The following COP1 variants were observed in gnomAD, a reference collection of about 807,000 sequenced individuals.
The protein encoded by COP1 is E3 ubiquitin-protein ligase COP1.
COP1 carries 24 observed loss-of-function variants against 101.3 expected under a neutral mutation model. The observed-to-expected ratio is 0.24, with a 90% CI of 0.17 to 0.33. COP1 has a LOEUF of 0.33. Among genes scored for constraint, COP1 ranks in the 10% least tolerant of loss-of-function variants. COP1 has a pLI of 1.00. For missense variants in COP1, 663 were observed against 906.2 expected, an observed-to-expected ratio of 0.73 and a Z score of 3.45; for synonymous variants, 347 against 341.9, an observed-to-expected ratio of 1.01 and a Z score of -0.17.
chr1:176,018,268 G>C (rs986698727), intron 15 of COP1, among the ~76,000 whole-genome samples: 4 of 152,128 alleles, frequency 2.6e-5, no homozygotes, highest in African/African-American at 4.8e-5. Flanking sequence ...CTGCACATTA[G>C]ATTAAACCAC....
At chr1:175,948,543 T>C (rs1349281146) in intron 18 of COP1, among the ~76,000 whole-genome samples, 1 of 152,240 alleles carries the variant, frequency 6.6e-6, no homozygotes, top group Non-Finnish European at 1.5e-5. Flanking sequence ...GAAAAGTTAC[T>C]TCAGCTAAGC....
intron 11 of COP1, among the ~76,000 whole-genome samples, chr1:176,076,110 C>T (rs1677952324): frequency 6.6e-6 from 1 of 151,780 alleles, no homozygotes; most frequent in South Asian, 2.1e-4. Context: ...AAACTCTACA[C>T]TTGACCAACT....
In COP1 at chr1:176,005,741, T is replaced by G. The variant is rs1262529407; in HGVS notation, c.1730-16262A>C. Among the ~76,000 whole-genome samples the G allele has an allele frequency of 4.8e-5, 3 of 62,494 alleles. No individual in the cohort carries two copies. In the Admixed American group the frequency reaches 5.2e-4, roughly 11 times the overall value. The allele number at this position is 62,494 out of a possible 152,430, so 41.0% of individuals were successfully genotyped here. On this transcript the variant is annotated intron_variant, in intron 15 of 19. Transcript: ENST00000367669. ...ATAGTTTGTTATAATCTCTGTTCTTTTACATTTGCTGAGAGCTTTACTTCC... is the reference window on the plus strand; with the variant it reads ...ATAGTTTGTTATAATCTCTGTTCTTGTACATTTGCTGAGAGCTTTACTTCC...
rs765709214 is a variant in COP1, at chr1:176,043,181, A to G, written c.1612+5T>C. 5.7e-6 allele frequency: 9 copies of G among 1,590,068 alleles called. No homozygotes were observed. Among genetic ancestry groups the G allele is most frequent in the South Asian group, 2.2e-5 (2 of 90,526 alleles). ...GAGGTGCTGAGAAAGAGATTCAAAC[A>G]GTACCTTTTGCATCATCAGAACCTG... is the stretch of plus-strand genomic sequence containing the variant. On this transcript the variant is annotated splice_donor_5th_base_variant and intron_variant, in intron 14 of 19. Transcript: ENST00000367669.
chr1:176,158,774 G>C (rs1461953874), intron 5 of COP1, among the ~76,000 whole-genome samples: 1 of 151,278 alleles, frequency 6.6e-6, no homozygotes, highest in Non-Finnish European at 1.5e-5. Flanking sequence ...CAAGTAGCTG[G>C]GACTATAGGC....
intron 9 of COP1, among the ~76,000 whole-genome samples, chr1:176,089,414 C>G (rs979920051): frequency 6.6e-6 from 1 of 152,028 alleles, no homozygotes; most frequent in Admixed American, 6.6e-5. Context: ...AACAAAATAA[C>G]AAAATCAGAT....
intron 8 of COP1, among the ~76,000 whole-genome samples, chr1:176,132,532 T>C (rs1012518756): frequency 3.3e-5 from 5 of 150,098 alleles, no homozygotes; most frequent in African/African-American, 7.3e-5. Context: ...CACACACACA[T>C]ATATGAATAT....
intron 3 of COP1, among the ~76,000 whole-genome samples, chr1:176,167,807 T>G (rs1464354640): frequency 1.3e-5 from 2 of 152,182 alleles, no homozygotes; most frequent in Non-Finnish European, 2.9e-5. Flanking sequence ...CACAAGTTAC[T>G]CAACCTGTCT....
intron 18 of COP1, among the ~76,000 whole-genome samples, chr1:175,982,893 A>G (rs745919315): frequency 9.2e-5 from 14 of 152,188 alleles, no homozygotes; most frequent in Non-Finnish European, 1.6e-4. Context: ...GGAGGATGCC[A>G]AGATGTTGGT....
At chr1:176,191,911 C>G (rs879637029) in intron 1 of COP1, among the ~76,000 whole-genome samples, 1 of 152,022 alleles carries the variant, frequency 6.6e-6, no homozygotes, top group South Asian at 2.1e-4. Flanking sequence ...AATAGCATAG[C>G]GGCAATCATT....
At chr1:176,134,376 T>C (rs961215011) in intron 8 of COP1, among the ~76,000 whole-genome samples, 8 of 152,146 alleles carry the variant, frequency 5.3e-5, no homozygotes, top group Middle Eastern at 3.4e-3. Flanking sequence ...TTTCATGAAG[T>C]AGGTTTTACA....
intron 11 of COP1, among the ~76,000 whole-genome samples, chr1:176,049,821 A>G (rs1447400130): frequency 6.6e-6 from 1 of 152,170 alleles, no homozygotes; most frequent in Admixed American, 6.5e-5. Context: ...TATTAACAGT[A>G]TGATATTTCA....
At chr1:176,151,369 GAA>G (rs1435348797) in intron 5 of COP1, among the ~76,000 whole-genome samples, 4 of 95,446 alleles carry the variant, frequency 4.2e-5, no homozygotes. Context: ...AAGAAAGAAA[GAA>G]AGAAAGAAAG....
chr1:175,967,832 G>A (rs1652363637), intron 18 of COP1, among the ~76,000 whole-genome samples: 1 of 151,862 alleles, frequency 6.6e-6, no homozygotes, highest in Admixed American at 6.6e-5. Context: ...CCCTGAATTC[G>A]TTAAGCCAAT....
chr1:176,093,106 AAAT>A (rs777936454), intron 9 of COP1, among the ~76,000 whole-genome samples: 36 of 152,216 alleles, frequency 2.4e-4, no homozygotes, highest in Non-Finnish European at 4.3e-4. Context: ...CAGCCAAAAC[AAAT>A]AATATAGGGG....
chr1:176,121,915 C>G (rs1687180416), intron 8 of COP1, among the ~76,000 whole-genome samples: 1 of 151,734 alleles, frequency 6.6e-6, no homozygotes, highest in African/African-American at 2.4e-5. Flanking sequence ...CCAAGGCAGG[C>G]AGATCATGAG....
intron 8 of COP1, among the ~76,000 whole-genome samples, chr1:176,130,029 T>C (rs994451941): frequency 6.6e-6 from 1 of 151,744 alleles, no homozygotes; most frequent in South Asian, 2.1e-4. Context: ...CTAAATAATA[T>C]TTAAAGAGCC....
chr1:176,079,701 A>G (rs2149390674), intron 11 of COP1, among the ~76,000 whole-genome samples: 1 of 152,324 alleles, frequency 6.6e-6, no homozygotes, highest in East Asian at 1.9e-4. Context: ...GAACATGGAA[A>G]AAAGTAATAA....
At chr1:176,147,837 T>C (rs1367133980) in intron 6 of COP1, among the ~76,000 whole-genome samples, 3 of 152,214 alleles carry the variant, frequency 2.0e-5, no homozygotes, top group Non-Finnish European at 2.9e-5. Context: ...TCTCCAGAAA[T>C]GCAGATTGCC....
Sources: gnomAD v4.1 joint callset for allele counts (sites outside exome capture counted in the v4.1 genomes callset) on GRCh38, gnomAD v4.1.1 for gene constraint, MANE v1.5 for transcripts, NCBI Gene and HGNC (gene_info 2026-07-23, HGNC 2026-07-21) for gene names.